ANGPT1: variants seen among roughly 807,000 people sequenced by gnomAD.
The protein encoded by ANGPT1 is angiopoietin-1.
Under a neutral mutation model 62.2 loss-of-function variants are expected in ANGPT1, and 17 were observed. That is an observed-to-expected ratio of 0.27 (90% confidence interval 0.19 to 0.41). The LOEUF (loss-of-function observed/expected upper bound fraction) is 0.41. Among genes scored for constraint, ANGPT1 ranks in the 10% least tolerant of loss-of-function variants. ANGPT1 has a pLI of 1.00. For synonymous variants in ANGPT1, 199 were observed against 198.9 expected (o/e 1.00, Z 0.00); for missense variants, 478 against 594.9 (o/e 0.80, Z 2.04).
intron 5 of ANGPT1, among the ~76,000 whole-genome samples, chr8:107,302,447 C>A (rs73701077): frequency 0.038 from 5,792 of 152,006 alleles, 235 homozygotes; most frequent in African/African-American, 0.095. Flanking sequence ...CCCTGCTTTA[C>A]ACAGACCATT....
chr8:107,424,662 A>T (rs1321254966), intron 1 of ANGPT1, among the ~76,000 whole-genome samples: 1 of 152,218 alleles, frequency 6.6e-6, no homozygotes, highest in Non-Finnish European at 1.5e-5. Flanking sequence ...TTGGGCAGCC[A>T]TTCACAGCCA....
intron 3 of ANGPT1, among the ~76,000 whole-genome samples, chr8:107,331,505 T>G (rs1815420311): frequency 6.6e-6 from 1 of 152,170 alleles, no homozygotes; most frequent in Non-Finnish European, 1.5e-5. Context: ...CTCATCACAT[T>G]GCAAAAATAT....
At chr8:107,382,204 T>A (rs1398902647) in intron 1 of ANGPT1, among the ~76,000 whole-genome samples, 1 of 152,144 alleles carries the variant, frequency 6.6e-6, no homozygotes, top group Non-Finnish European at 1.5e-5. Context: ...TATTAATAGG[T>A]CATAAATCTG....
At chr8:107,354,732 C>T (rs879689280) in intron 1 of ANGPT1, among the ~76,000 whole-genome samples, 9 of 152,140 alleles carry the variant, frequency 5.9e-5, no homozygotes, top group Non-Finnish European at 1.2e-4. Flanking sequence ...CGCTTAATCC[C>T]CAGGCACCAT....
intron 1 of ANGPT1, among the ~76,000 whole-genome samples, chr8:107,353,478 G>T (rs1019195555): frequency 6.6e-6 from 1 of 152,058 alleles, no homozygotes; most frequent in Non-Finnish European, 1.5e-5. Context: ...TCCTGATTTG[G>T]ATCTCCCCTT....
At chr8:107,271,761 A>G (rs1384180150) in intron 7 of ANGPT1, among the ~76,000 whole-genome samples, 1 of 152,002 alleles carries the variant, frequency 6.6e-6, no homozygotes, top group African/African-American at 2.4e-5. Context: ...AATATCCTTC[A>G]ATTAAAATGT....
chr8:107,420,712 A>G (rs1444480283), intron 1 of ANGPT1, among the ~76,000 whole-genome samples: 1 of 152,154 alleles, frequency 6.6e-6, no homozygotes, highest in African/African-American at 2.4e-5. Flanking sequence ...TATATGGTCC[A>G]TGGAGGATGA....
At position 107,284,771 on chromosome 8, in the gene ANGPT1, C is replaced by T; in HGVS notation, c.1116G>A (p.Met372Ile). Residue 372 changes from methionine to isoleucine, a missense_variant, in exon 7 of 9, where the codon ATG (methionine) becomes ATA (isoleucine). By Grantham distance (10) the Met-to-Ile change is conservative (BLOSUM62 1). Around this residue, in one of 4 missense-constraint regions of ANGPT1, gnomAD observed 81 missense variants for 117.1 expected, o/e 0.69. Coordinates refer to ENST00000517746, the MANE Select transcript of ANGPT1 (RefSeq NM_001146.5). ...IFAITSQRQY[M>I]LRIELMDWEG... Reference sequence around the variant, plus strand: ...CCCAGTCCATTAACTCAATTCTTAGCATGTACTGCCTCTGACTGGTAATGG... The same window carrying T: ...CCCAGTCCATTAACTCAATTCTTAGTATGTACTGCCTCTGACTGGTAATGG... The T allele has an allele frequency of 6.2e-7, 1 of 1,612,168 alleles. No homozygotes were observed. Among genetic ancestry groups the T allele is most frequent in the Non-Finnish European group, 8.5e-7 (1 of 1,178,774 alleles).
intron 1 of ANGPT1, among the ~76,000 whole-genome samples, chr8:107,382,223 T>C (rs546623749): frequency 6.6e-6 from 1 of 152,324 alleles, no homozygotes; most frequent in East Asian, 1.9e-4. Context: ...TGGAGAAATA[T>C]GAGAAAAATT....
At chr8:107,413,783 A>G (rs1289423079) in intron 1 of ANGPT1, among the ~76,000 whole-genome samples, 2 of 152,134 alleles carry the variant, frequency 1.3e-5, no homozygotes, top group African/African-American at 4.8e-5. Context: ...AGACAAGATC[A>G]GTGACCATGA....
chr8:107,384,382 C>G lies in ANGPT1; in HGVS notation c.298-37285G>C, dbSNP rs554889252. Reference sequence around the variant, plus strand: ...TCTAACTTTCAGGAACCTACACAGACATTGCATATAAAAGTTCTTCATAAT... The same window carrying G: ...TCTAACTTTCAGGAACCTACACAGAGATTGCATATAAAAGTTCTTCATAAT... On this transcript the variant is annotated intron_variant, in intron 1 of 8. Coordinates refer to ENST00000517746, the MANE Select transcript of ANGPT1 (RefSeq NM_001146.5). Among the ~76,000 whole-genome samples, 8 of 152,004 alleles carry G rather than the reference C, an allele frequency of 5.3e-5. No homozygotes were observed. In the South Asian group the frequency reaches 1.4e-3, roughly 28 times the overall value.
chr8:107,405,214 G>A (rs1817124644), intron 1 of ANGPT1, among the ~76,000 whole-genome samples: 1 of 151,718 alleles, frequency 6.6e-6, no homozygotes, highest in Non-Finnish European at 1.5e-5. Context: ...ATATAATGTG[G>A]ATTTTTAATA....
At chr8:107,344,765 T>A (rs1237247953) in intron 2 of ANGPT1, among the ~76,000 whole-genome samples, 1 of 152,130 alleles carries the variant, frequency 6.6e-6, no homozygotes, top group African/African-American at 2.4e-5. Context: ...CCAAGTTAGA[T>A]GAATATAGGA....
chr8:107,281,549 C>T lies in ANGPT1; in HGVS notation c.1205+3133G>A, dbSNP rs139350217. Among the ~76,000 whole-genome samples, 614 of 152,126 alleles carry T rather than the reference C, an allele frequency of 4.0e-3. 5 individuals are homozygous for T. Among genetic ancestry groups the T allele is most frequent in the African/African-American group, 0.014 (565 of 41,510 alleles). On this transcript the variant is annotated intron_variant, in intron 7 of 8. Transcript: ENST00000517746. ...ATCCCAGCACTTTGGGAGGCTGAGG[C>T]GTGCGGATCACGAGATCAGGAGATC... is the stretch of plus-strand genomic sequence containing the variant.
intron 1 of ANGPT1, among the ~76,000 whole-genome samples, chr8:107,409,233 G>GC (rs1408299885): frequency 6.6e-6 from 1 of 152,066 alleles, no homozygotes; most frequent in Non-Finnish European, 1.5e-5. Flanking sequence ...TAAACCAGTG[G>GC]CCCCAAAGTC....
chr8:107,363,094 T>C (rs905459833), intron 1 of ANGPT1, among the ~76,000 whole-genome samples: 4 of 151,978 alleles, frequency 2.6e-5, no homozygotes, highest in African/African-American at 7.2e-5. Flanking sequence ...GTGCTTTTTT[T>C]TTTTTTTTTT....
intron 4 of ANGPT1, among the ~76,000 whole-genome samples, chr8:107,318,350 C>G (rs2130048292): frequency 6.6e-6 from 1 of 152,282 alleles, no homozygotes; most frequent in East Asian, 1.9e-4. Flanking sequence ...TATCTCACAA[C>G]ATCAGATGTG....
At chr8:107,397,472 A>G (rs1280739199) in intron 1 of ANGPT1, among the ~76,000 whole-genome samples, 2 of 151,564 alleles carry the variant, frequency 1.3e-5, no homozygotes, top group Non-Finnish European at 2.9e-5. Context: ...TTTAATTTCC[A>G]TCCTTATATA....
At chr8:107,318,805 T>C (rs1815082242) in intron 4 of ANGPT1, among the ~76,000 whole-genome samples, 1 of 152,198 alleles carries the variant, frequency 6.6e-6, no homozygotes, top group Non-Finnish European at 1.5e-5. Context: ...ATCCATTACC[T>C]CACATACTCG....
Sources: allele counts gnomAD v4.1 joint callset (sites outside exome capture counted in the v4.1 genomes callset), GRCh38; gene constraint gnomAD v4.1.1; regional missense constraint gnomAD v4.1.1; transcripts MANE v1.5; gene names NCBI Gene and HGNC (gene_info 2026-07-23, HGNC 2026-07-21).